The following NRXN3 variants were observed in gnomAD, a reference collection of about 807,000 sequenced individuals.
The protein encoded by NRXN3 is neurexin 3.
NRXN3 carries 32 observed loss-of-function variants against 137.6 expected under a neutral mutation model. That is an observed-to-expected ratio of 0.23 (90% confidence interval 0.18 to 0.31). NRXN3 has a LOEUF of 0.31. NRXN3 is among the 10% of genes least tolerant of loss of function. The pLI, the probability that NRXN3 is intolerant of heterozygous loss-of-function variation, is 1.00. For synonymous variants in NRXN3, 798 were observed against 784.5 expected (o/e 1.02, Z -0.29); for missense variants, 1,574 against 2,062.5 (o/e 0.76, Z 4.59).
At chr14:79,303,563 T>C (rs751624092) in intron 15 of NRXN3, among the ~76,000 whole-genome samples, 10 of 152,050 alleles carry the variant, frequency 6.6e-5, no homozygotes, top group Admixed American at 2.6e-4. Flanking sequence ...TTAGACATCA[T>C]GTCAAAGACT....
intron 15 of NRXN3, among the ~76,000 whole-genome samples, chr14:79,226,083 C>T (rs577934578): frequency 1.8e-4 from 27 of 152,210 alleles, no homozygotes; most frequent in Non-Finnish European, 3.8e-4. Flanking sequence ...ATATTCACAG[C>T]TCTGGGGATT....
intron 1 of NRXN3, among the ~76,000 whole-genome samples, chr14:78,230,399 T>C (rs72685765): frequency 0.047 from 7,162 of 152,076 alleles, 222 homozygotes; most frequent in Non-Finnish European, 0.059. Flanking sequence ...TAGTTGTTTG[T>C]CGGGAGGACC....
At chr14:79,078,918 T>G (rs1363906069) in intron 15 of NRXN3, among the ~76,000 whole-genome samples, 1 of 152,090 alleles carries the variant, frequency 6.6e-6, no homozygotes, top group Non-Finnish European at 1.5e-5. Flanking sequence ...ATGATTCTTG[T>G]GTAGGGATAC....
intron 16 of NRXN3, among the ~76,000 whole-genome samples, chr14:79,484,913 C>T (rs2153645180): frequency 6.6e-6 from 1 of 152,228 alleles, no homozygotes; most frequent in South Asian, 2.1e-4. Flanking sequence ...GACTCAGTAG[C>T]TCGACTTATT....
At chr14:78,691,450 C>G (rs953013788) in intron 6 of NRXN3, among the ~76,000 whole-genome samples, 4 of 152,146 alleles carry the variant, frequency 2.6e-5, no homozygotes, top group East Asian at 1.9e-4. Context: ...TCAATTTATC[C>G]TGTTGTCACT....
intron 8 of NRXN3, among the ~76,000 whole-genome samples, chr14:78,769,498 T>C (rs2098719950): frequency 6.6e-6 from 1 of 152,182 alleles, no homozygotes; most frequent in African/African-American, 2.4e-5. Context: ...TGAGCTACCC[T>C]GTGATTGAGG....
intron 16 of NRXN3, among the ~76,000 whole-genome samples, chr14:79,661,160 T>C (rs568726216): frequency 3.3e-5 from 5 of 152,300 alleles, no homozygotes; most frequent in East Asian, 1.9e-4. Context: ...TAGGTGCTTT[T>C]CCTAGTGCAG....
At chr14:79,605,769 C>T (rs924951976) in intron 16 of NRXN3, among the ~76,000 whole-genome samples, 6 of 152,332 alleles carry the variant, frequency 3.9e-5, no homozygotes, top group Non-Finnish European at 8.8e-5. Flanking sequence ...GGATTATAGG[C>T]ATGAACCACT....
intron 19 of NRXN3, among the ~76,000 whole-genome samples, chr14:79,794,423 G>T (rs966885811): frequency 2.0e-5 from 3 of 151,934 alleles, no homozygotes; most frequent in Admixed American, 6.6e-5. Flanking sequence ...AGGTCTCCGG[G>T]TTGCCCTATC....
At chr14:78,674,515 A>G (rs994253264) in intron 6 of NRXN3, among the ~76,000 whole-genome samples, 1 of 152,250 alleles carries the variant, frequency 6.6e-6, no homozygotes, top group Admixed American at 6.5e-5. Context: ...TTTCATGCCT[A>G]GGGCATGTAT....
intron 19 of NRXN3, among the ~76,000 whole-genome samples, chr14:79,781,315 G>A (rs755392325): frequency 6.6e-6 from 1 of 152,136 alleles, no homozygotes; most frequent in African/African-American, 2.4e-5. Context: ...TAGGTATGAG[G>A]TAGAGAAATT....
At chr14:79,200,747 C>T (rs2065858936) in intron 15 of NRXN3, among the ~76,000 whole-genome samples, 1 of 150,426 alleles carries the variant, frequency 6.6e-6, no homozygotes, top group Non-Finnish European at 1.5e-5. Context: ...CTAACCTGTT[C>T]TGATATTCAA....
chr14:78,487,267 C>T (rs1243955565), intron 4 of NRXN3, among the ~76,000 whole-genome samples: 2 of 152,086 alleles, frequency 1.3e-5, no homozygotes, highest in Non-Finnish European at 2.9e-5. Flanking sequence ...TGAAGAGCTC[C>T]TTTTGACACA....
chr14:78,944,532 A>G (rs2099361481), intron 10 of NRXN3, among the ~76,000 whole-genome samples: 1 of 152,198 alleles, frequency 6.6e-6, no homozygotes, highest in Admixed American at 6.5e-5. Context: ...ACACTGGATT[A>G]TGGTGCTCCC....
chr14:79,512,559 C>G (rs917853105), intron 16 of NRXN3, among the ~76,000 whole-genome samples: 1 of 152,148 alleles, frequency 6.6e-6, no homozygotes, highest in African/African-American at 2.4e-5. Flanking sequence ...TAAAATTGCT[C>G]TTTATGGTTC....
At chr14:78,743,251 T>A (rs947257738) in intron 8 of NRXN3, among the ~76,000 whole-genome samples, 1 of 152,262 alleles carries the variant, frequency 6.6e-6, no homozygotes, top group African/African-American at 2.4e-5. Context: ...TCATAGTAGT[T>A]ATTGCTGACA....
chr14:79,317,300 T>C lies in NRXN3; in HGVS notation c.3263-149921T>C, dbSNP rs770416845. On this transcript the variant is annotated intron_variant, in intron 15 of 20. Coordinates refer to ENST00000335750, the MANE Select transcript of NRXN3 (RefSeq NM_001330195.2). ...GAGGCTCTCAGGGAGGATCCTTCCT[T>C]GCCTCTTTCTAACCTCTTTTGATTT... 1.1e-4 allele frequency among the ~76,000 whole-genome samples: 16 copies of C among 152,166 alleles called. 1 individual carries two copies. The highest frequency in any genetic ancestry group is 6.2e-4 in the South Asian group (3 of 4,822).
intron 10 of NRXN3, among the ~76,000 whole-genome samples, chr14:78,941,989 C>A (rs972823966): frequency 6.6e-6 from 1 of 152,100 alleles, no homozygotes; most frequent in Non-Finnish European, 1.5e-5. Flanking sequence ...GCTTCTAGGC[C>A]AGAGAGTAGA....
chr14:79,530,558 C>G (rs1028238714), intron 16 of NRXN3, among the ~76,000 whole-genome samples: 1 of 150,098 alleles, frequency 6.7e-6, no homozygotes, highest in Non-Finnish European at 1.5e-5. Flanking sequence ...TTTCTCTGCT[C>G]TCTCTGTTTG....
Sources: gnomAD v4.1 joint callset for allele counts (sites outside exome capture counted in the v4.1 genomes callset) on GRCh38, gnomAD v4.1.1 for gene constraint, MANE v1.5 for transcripts, NCBI Gene and HGNC (gene_info 2026-07-23, HGNC 2026-07-21) for gene names.